LAMC3: variants seen among roughly 807,000 people sequenced by gnomAD.
LAMC3 encodes the protein laminin subunit gamma 3.
A neutral mutation model predicts 173.8 loss-of-function variants in LAMC3; 128 were observed. The observed-to-expected ratio is 0.74, with a 90% confidence interval of 0.64 to 0.85. The LOEUF (loss-of-function observed/expected upper bound fraction) is 0.85, where lower values mean the gene tolerates loss of function less well. LAMC3 is among the 40% of genes least tolerant of loss of function. LAMC3 has a pLI of 0.00. For missense variants in LAMC3, 2,022 were observed against 2,156.0 expected, an observed-to-expected ratio of 0.94 and a Z score of 1.23; for synonymous variants, 897 against 909.1, an observed-to-expected ratio of 0.99 and a Z score of 0.24.
In LAMC3 at chr9:131,077,182, C is replaced by A. The variant is rs200571189; in HGVS notation, c.3630-5C>A. On this transcript the variant is annotated splice_polypyrimidine_tract_variant and splice_region_variant and intron_variant, in intron 21 of 27. Transcript: ENST00000361069. ...CCCAGCTCCGTGGCCTCTGCTTCCTCCCAGGTACCAGGAGGTCCAGGCGGC... is the reference window on the plus strand; with the variant it reads ...CCCAGCTCCGTGGCCTCTGCTTCCTACCAGGTACCAGGAGGTCCAGGCGGC... The A allele has an allele frequency of 4.1e-4, 669 of 1,613,374 alleles. 2 individuals carry two copies. The highest frequency in any genetic ancestry group is 9.2e-5 in the Non-Finnish European group (109 of 1,180,010).
At position 131,038,917 on chromosome 9, in the gene LAMC3, C is replaced by T. The variant is rs373592073; in HGVS notation, c.1030C>T (p.Arg344Cys). ...ATGCACGTTTGATCGGGAGCTCTTC[C>T]GCAGCACAGGCCACGGCGGGCGCTG... is the stretch of plus-strand genomic sequence containing the variant. ...EECTFDRELF[R>C]STGHGGRCHH... Residue 344 changes from arginine (R) to cysteine (C), a missense_variant, in exon 5 of 28, where the codon CGC becomes TGC. Arg to Cys is a radical substitution (Grantham distance 180, BLOSUM62 -3). Coordinates refer to ENST00000361069, the MANE Select transcript of LAMC3 (RefSeq NM_006059.4). The T allele has an allele frequency of 5.8e-5, 94 of 1,613,438 alleles. No homozygotes were observed. The highest frequency in any genetic ancestry group is 3.3e-4 in the Middle Eastern group (2 of 6,062).
rs114605554 is a variant in LAMC3 at position 131,071,545 on chromosome 9, G to T, written c.3131G>T (p.Gly1044Val). The T allele has an allele frequency of 3.2e-4, 518 of 1,613,516 alleles. 2 individuals carry two copies. In the African/African-American group the frequency reaches 6.1e-3, roughly 19 times the overall value. ...GGGTGGCTCCAAGGGTCCGACTGTG[G>T]CAGTCCCTGGGGACCACTAGACATT... ...TEGWLQGSDC[G>V]SPWGPLDILL... Residue 1044 changes from glycine (G) to valine (V), a missense_variant, in exon 18 of 28, where the codon GGC becomes GTC. Physicochemically the swap from Gly to Val is moderately radical, Grantham distance 109 (BLOSUM62 -3). Transcript: ENST00000361069.
At chr9:131,010,948 T>A (rs567226045) in intron 1 of LAMC3, among the ~76,000 whole-genome samples, 1 of 152,352 alleles carries the variant, frequency 6.6e-6, no homozygotes, top group Admixed American at 6.5e-5. Context: ...TGTTGCAGCC[T>A]CCACTGCCCT....
intron 3 of LAMC3, 87 bp from the exon 4 acceptor site, chr9:131,036,079 C>T (rs1833937826): frequency 7.0e-7 from 1 of 1,433,572 alleles, no homozygotes; most frequent in East Asian, 2.3e-5. Flanking sequence ...TGGCTCACAC[C>T]TGCAAACAGG....
intron 13 of LAMC3, 35 bp downstream of exon 13, chr9:131,061,258 G>A: frequency 6.4e-7 from 1 of 1,563,030 alleles, no homozygotes; most frequent in South Asian, 1.1e-5. Context: ...CTGCCCCGCA[G>A]AGGGCCAAGC....
At position 131,047,165 on chromosome 9, in the gene LAMC3, C is replaced by CTTTTTTTTTTTT. The variant is rs398012456; in HGVS notation, c.1519+1511_1519+1522dup. Among the ~76,000 whole-genome samples the CTTTTTTTTTTTT allele has an allele frequency of 9.8e-3, 1,001 of 102,056 alleles. 107 individuals are homozygous for CTTTTTTTTTTTT. The highest frequency in any genetic ancestry group is 0.034 in the African/African-American group (900 of 26,494). The allele number at this position is 102,056 out of a possible 152,430, so 67.0% of individuals were successfully genotyped here. ...AAAACTTTTTGGTCTCTGAATTCCT[C>CTTTTTTTTTTTT]TTTTTTTTTTTTTTTTTAAGACGGA... is the stretch of plus-strand genomic sequence containing the variant. On this transcript the variant is annotated intron_variant, in intron 8 of 27. Transcript: ENST00000361069.
intron 1 of LAMC3, among the ~76,000 whole-genome samples, chr9:131,014,049 A>G (rs1336501815): frequency 5.3e-5 from 8 of 152,156 alleles, no homozygotes; most frequent in Non-Finnish European, 1.2e-4. Flanking sequence ...GCCTCCATCC[A>G]CCCACAGAAC....
intron 6 of LAMC3, 52 bp from the exon 7 acceptor site, chr9:131,041,585 C>T: frequency 6.6e-7 from 1 of 1,517,246 alleles, no homozygotes; most frequent in East Asian, 2.3e-5. Flanking sequence ...GGGCTGTTGC[C>T]ATTCTGAATT....
Position 131,091,633 on chromosome 9 carries a change from T to C in LAMC3, c.4574T>C (p.Leu1525Ser). ...LRLQLGSPGS[L>S]QRKLSLLEQE... ...CTGCAGCTGGGCTCCCCGGGGTCCT[T>C]GCAGAGGAAACTCAGTCTGCTGGAG... The change falls in exon 28 of 28, where the codon TTG (leucine) becomes TCG (serine). Residue 1525 changes from leucine (L) to serine (S), a missense_variant. Transcript: ENST00000361069. 6.2e-7 allele frequency: 1 copy of C among 1,601,162 alleles called. No homozygotes were observed. Among genetic ancestry groups the C allele is most frequent in the South Asian group, 1.1e-5 (1 of 89,006 alleles).
chr9:131,068,052 A>G, intron 14 of LAMC3, 26 bp from the exon 15 acceptor site: 1 of 1,605,798 alleles, frequency 6.2e-7, no homozygotes, highest in East Asian at 2.2e-5. Context: ...ATTGTTCCCA[A>G]CACCCCTTCC....
rs970426210 is a variant in LAMC3, at chr9:131,009,750, C to G, written c.373+163C>G. ...ATAGGAATTAGGCTGGGTGCGGTGGCTCACTCCTGAAATCCCAGCACTTTG... is the reference window on the plus strand; with the variant it reads ...ATAGGAATTAGGCTGGGTGCGGTGGGTCACTCCTGAAATCCCAGCACTTTG... On this transcript the variant is annotated intron_variant, in intron 1 of 27. Transcript: ENST00000361069. This position sits in a 1 kb window ranked among gnomAD's most constrained non-coding sequence, Gnocchi z 4.3. 6.6e-6 allele frequency among the ~76,000 whole-genome samples: 1 copy of G among 152,110 alleles called. No homozygotes were observed. Among genetic ancestry groups the G allele is most frequent in the African/African-American group, 2.4e-5 (1 of 41,424 alleles).
At chr9:131,073,023 C>A (rs1276861453) in intron 19 of LAMC3, among the ~76,000 whole-genome samples, 188 bp downstream of exon 19, 1 of 152,210 alleles carries the variant, frequency 6.6e-6, no homozygotes, top group Non-Finnish European at 1.5e-5. Context: ...AAGGGCGAGG[C>A]ATGTTCCGAG....
chr9:131,023,892 A>G (rs541456721), intron 1 of LAMC3, among the ~76,000 whole-genome samples: 50 of 152,114 alleles, frequency 3.3e-4, no homozygotes, highest in Non-Finnish European at 5.1e-4. Flanking sequence ...TTTGAGTTGT[A>G]AGAATTCTTT....
chr9:131,056,940 C>G lies in LAMC3; in HGVS notation c.1951C>G (p.Leu651Val). 1 of 1,612,756 alleles carries G rather than the reference C, an allele frequency of 6.2e-7. No individual in the cohort carries two copies. Among genetic ancestry groups the G allele is most frequent in the Middle Eastern group, 1.7e-4 (1 of 6,058 alleles). Reference sequence around the variant, plus strand: ...TTCTCGCTCTGCAGGTCCAGTGTTCCTGACTGAGGTCCGGCTCACATCCGC... The same window carrying G: ...TTCTCGCTCTGCAGGTCCAGTGTTCGTGACTGAGGTCCGGCTCACATCCGC... ...PGPSPAGPVF[L>V]TEVRLTSARP... The change falls in exon 12 of 28, where the codon CTG (leucine) becomes GTG (valine). Residue 651 changes from leucine to valine, a missense_variant. Coordinates refer to ENST00000361069, the MANE Select transcript of LAMC3 (RefSeq NM_006059.4).
At chr9:131,022,384 C>G (rs889243502) in intron 1 of LAMC3, among the ~76,000 whole-genome samples, 2 of 151,100 alleles carry the variant, frequency 1.3e-5, no homozygotes, top group Non-Finnish European at 2.9e-5. Flanking sequence ...ACGGCCAGCC[C>G]GAAAACTGAC....
intron 8 of LAMC3, among the ~76,000 whole-genome samples, chr9:131,046,509 A>G (rs1178331844): frequency 1.1e-5 from 1 of 91,720 alleles, no homozygotes; most frequent in Admixed American, 1.2e-4. Flanking sequence ...ATGCCGAGCT[A>G]ATTTTTGTAT....
intron 1 of LAMC3, among the ~76,000 whole-genome samples, chr9:131,012,938 T>G (rs999663394): frequency 2.0e-5 from 3 of 152,174 alleles, no homozygotes; most frequent in Non-Finnish European, 4.4e-5. Context: ...AGCCTTCCTG[T>G]CTGGGATGAA....
intron 1 of LAMC3, among the ~76,000 whole-genome samples, chr9:131,019,881 T>TC (rs553379263): frequency 6.9e-6 from 1 of 145,204 alleles, no homozygotes; most frequent in South Asian, 2.2e-4. Flanking sequence ...CAGCAGAGCC[T>TC]CCCCCGGCCG....
Position 131,038,801 on chromosome 9 carries a change from AC to A in LAMC3, c.977-62del, listed in dbSNP as rs756074603. On this transcript the variant is annotated intron_variant, in intron 4 of 27. Coordinates refer to ENST00000361069, the MANE Select transcript of LAMC3 (RefSeq NM_006059.4). ...ATTTAGCACAGGGAGGCTGACTGAC[AC>A]AGATGCAGCCTCCTACCACATCACA... 7.9e-4 allele frequency: 1,200 copies of A among 1,523,046 alleles called. 1 individual carries two copies. Among genetic ancestry groups the A allele is most frequent in the Non-Finnish European group, 9.3e-4 (1,021 of 1,103,696 alleles). The allele number at this position is 1,523,046 out of a possible 1,614,324, so 94.3% of individuals were successfully genotyped here.
Sources: allele counts gnomAD v4.1 joint callset (sites outside exome capture counted in the v4.1 genomes callset), GRCh38; gene constraint gnomAD v4.1.1; non-coding constraint Gnocchi (gnomAD v3.1); transcripts MANE v1.5; gene names NCBI Gene and HGNC (gene_info 2026-07-23, HGNC 2026-07-21).